The following COP1 variants were observed in gnomAD, a reference collection of about 807,000 sequenced individuals.
COP1 encodes the protein COP1 E3 ubiquitin ligase, also known as E3 ubiquitin-protein ligase COP1.
A neutral mutation model predicts 101.3 loss-of-function variants in COP1; 24 were observed. The ratio of observed to expected loss-of-function variants is 0.24; its 90% CI spans 0.17 to 0.33. COP1 has a LOEUF of 0.33. COP1 is among the 10% of genes least tolerant of loss of function. COP1 has a pLI of 1.00. For missense variants in COP1, 663 were observed against 906.2 expected, an observed-to-expected ratio of 0.73 and a Z score of 3.45; for synonymous variants, 347 against 341.9, an observed-to-expected ratio of 1.01 and a Z score of -0.17.
intron 6 of COP1, among the ~76,000 whole-genome samples, chr1:176,139,297 A>C (rs924076710): frequency 6.6e-5 from 10 of 151,788 alleles, no homozygotes; most frequent in African/African-American, 1.9e-4. Context: ...ACAAAAAAAA[A>C]AAACAAAAAA....
intron 15 of COP1, among the ~76,000 whole-genome samples, chr1:176,013,044 T>C (rs1167495172): frequency 6.6e-6 from 1 of 152,190 alleles, no homozygotes; most frequent in African/African-American, 2.4e-5. Context: ...CCATAGTATA[T>C]GCTTATAACT....
chr1:176,073,542 A>G (rs1193740794), intron 11 of COP1, among the ~76,000 whole-genome samples: 1 of 152,226 alleles, frequency 6.6e-6, no homozygotes, highest in Non-Finnish European at 1.5e-5. Context: ...CTAATAGAAT[A>G]AAAAATGCAA....
chr1:176,025,896 A>G (rs1174997410), intron 15 of COP1, among the ~76,000 whole-genome samples: 2 of 150,374 alleles, frequency 1.3e-5, no homozygotes, highest in Non-Finnish European at 3.0e-5. Context: ...CAAAAAAACC[A>G]AAAAAAAAGA....
chr1:176,008,527 C>T (rs377610546), intron 15 of COP1, among the ~76,000 whole-genome samples: 3 of 152,134 alleles, frequency 2.0e-5, no homozygotes, highest in East Asian at 3.9e-4. Context: ...TCCTTTAACT[C>T]TTTGTGGTTT....
chr1:176,116,574 C>CA, intron 9 of COP1, 50 bp downstream of exon 9: 1 of 1,382,514 alleles, frequency 7.2e-7, no homozygotes, highest in Non-Finnish European at 1.0e-6. Context: ...TTTTATAACT[C>CA]AGATAATTAT....
intron 5 of COP1, among the ~76,000 whole-genome samples, chr1:176,152,953 A>T (rs1692857051): frequency 6.6e-6 from 1 of 152,172 alleles, no homozygotes; most frequent in Non-Finnish European, 1.5e-5. Flanking sequence ...CTTCTAAAGG[A>T]TATTCACTTC....
At chr1:176,181,834 T>A in intron 2 of COP1, among the ~76,000 whole-genome samples, 1 of 149,698 alleles carries the variant, frequency 6.7e-6, no homozygotes, top group Non-Finnish European at 1.5e-5. Context: ...AGAGCGAGAC[T>A]CCATCTCAAA....
chr1:175,947,232 T>C lies in COP1; in HGVS notation c.2141A>G (p.Asn714Ser), dbSNP rs757413310. ...CWRALPDGES[N>S]VLIAANSQGT... ...CTGACTGTTAGCAGCAATCAGCACA[T>C]TGGACTCCTAGAAAAGAACAAGAGC... Residue 714 changes from asparagine to serine, a missense_variant, in exon 19 of 20, where the codon AAT becomes AGT. Around this residue, in one of 4 missense-constraint regions of COP1, gnomAD observed 209 missense variants for 383.3 expected, o/e 0.55. Transcript: ENST00000367669. 1.5e-5 allele frequency: 24 copies of C among 1,607,630 alleles called. 1 individual carries two copies. The East Asian group carries it at 4.7e-4, about 31-fold the overall frequency.
intron 4 of COP1, 114 bp downstream of exon 4, chr1:176,163,701 T>C: frequency 1.6e-6 from 1 of 630,344 alleles, no homozygotes; most frequent in Non-Finnish European, 2.7e-6. Flanking sequence ...TCCTAAACAA[T>C]CGCCTTTTAA....
chr1:176,099,928 A>C (rs1171551885), intron 9 of COP1, among the ~76,000 whole-genome samples: 1 of 152,192 alleles, frequency 6.6e-6, no homozygotes, highest in African/African-American at 2.4e-5. Flanking sequence ...CTTGGCTTTA[A>C]AAGGTCTTAT....
chr1:176,119,680 T>A (rs1013406884), intron 8 of COP1, among the ~76,000 whole-genome samples: 5 of 151,788 alleles, frequency 3.3e-5, no homozygotes, highest in Non-Finnish European at 7.4e-5. Context: ...AAAAGAATAT[T>A]AGAAAGCACT....
At chr1:176,023,476 T>C (rs1160777096) in intron 15 of COP1, among the ~76,000 whole-genome samples, 1 of 152,024 alleles carries the variant, frequency 6.6e-6, no homozygotes, top group East Asian at 1.9e-4. Context: ...CCCAGCACTT[T>C]GGGAGGCTGA....
intron 18 of COP1, among the ~76,000 whole-genome samples, chr1:175,981,435 C>T (rs1424197148): frequency 6.6e-6 from 1 of 152,076 alleles, no homozygotes; most frequent in Non-Finnish European, 1.5e-5. Flanking sequence ...AAAAGATAGT[C>T]TCTTCAATAA....
Position 175,949,231 on chromosome 1 carries a change from T to TTTGGAATA in COP1, c.2134-2000_2134-1993dup, listed in dbSNP as rs569239663. On this transcript the variant is annotated intron_variant, in intron 18 of 19. Transcript: ENST00000367669. ...TACAATACTCACTATTAGAATTAACTTTGGAATATTATGGGCTATTTCTGG... is the reference window on the plus strand; with the variant it reads ...TACAATACTCACTATTAGAATTAACTTTGGAATATTGGAATATTATGGGCTATTTCTGG... Among the ~76,000 whole-genome samples the TTTGGAATA allele has an allele frequency of 7.4e-3, 1,008 of 136,024 alleles. 8 individuals are homozygous for TTTGGAATA. The highest frequency in any genetic ancestry group is 0.027 in the South Asian group (113 of 4,170). 89.2% of individuals were successfully genotyped at this position (136,024 alleles called of 152,430 possible). A position where few individuals can be genotyped will look rare whatever the true frequency, so the allele number is the denominator to read the frequency against.
chr1:176,065,157 T>C (rs1477719077), intron 11 of COP1, among the ~76,000 whole-genome samples: 2 of 152,230 alleles, frequency 1.3e-5, no homozygotes, highest in African/African-American at 4.8e-5. Context: ...TATGTAAGCC[T>C]TACTTACTGT....
intron 9 of COP1, among the ~76,000 whole-genome samples, chr1:176,115,794 T>G (rs1686091483): frequency 6.6e-6 from 1 of 151,878 alleles, no homozygotes; most frequent in Admixed American, 6.6e-5. Flanking sequence ...AAAAAGCCTA[T>G]TAGGCCTCAA....
intron 15 of COP1, among the ~76,000 whole-genome samples, 181 bp from the exon 16 acceptor site, chr1:175,989,660 T>G (rs1657941849): frequency 1.3e-5 from 2 of 152,088 alleles, no homozygotes; most frequent in African/African-American, 4.8e-5. Context: ...AAGAGAGTAT[T>G]AAGGGGTCAA....
intron 2 of COP1, among the ~76,000 whole-genome samples, chr1:176,181,835 C>G (rs1178853053): frequency 6.6e-6 from 1 of 150,538 alleles, no homozygotes; most frequent in Non-Finnish European, 1.5e-5. Flanking sequence ...GAGCGAGACT[C>G]CATCTCAAAA....
intron 8 of COP1, among the ~76,000 whole-genome samples, chr1:176,128,672 AG>A (rs1298044655): frequency 6.6e-6 from 1 of 151,998 alleles, no homozygotes; most frequent in Admixed American, 6.6e-5. Flanking sequence ...TCAAGGTTTG[AG>A]AAAAAGTATT....
Sources: gnomAD v4.1 joint callset for allele counts (sites outside exome capture counted in the v4.1 genomes callset) on GRCh38, gnomAD v4.1.1 for gene constraint, gnomAD v4.1.1 regional missense constraint, MANE v1.5 for transcripts, NCBI Gene and HGNC (gene_info 2026-07-23, HGNC 2026-07-21) for gene names.